PYGB: variants seen among roughly 807,000 people sequenced by gnomAD.
PYGB encodes the protein glycogen phosphorylase, brain form.
PYGB carries 82 observed loss-of-function variants against 94.3 expected under a neutral mutation model. The observed-to-expected ratio is 0.87, with a 90% confidence interval of 0.73 to 1.04. The LOEUF (loss-of-function observed/expected upper bound fraction) is 1.04, where lower values mean the gene tolerates loss of function less well. Ranked by LOEUF, PYGB falls within the 50% of genes least tolerant of loss-of-function variation. The pLI, the probability that PYGB is intolerant of heterozygous loss-of-function variation, is 0.00. For synonymous variants in PYGB, 488 were observed against 479.1 expected, an observed-to-expected ratio of 1.02 and a Z score of -0.24; for missense variants, 1,132 against 1,158.2, an observed-to-expected ratio of 0.98 and a Z score of 0.33.
At position 25,274,702 on chromosome 20, in the gene PYGB, C is replaced by T. The variant is rs2227894; in HGVS notation, c.639C>T (p.Gly213=). The change falls in exon 5 of 20, where the codon GGC becomes GGT. Residue 213 remains glycine, a synonymous_variant. Coordinates refer to ENST00000216962, the MANE Select transcript of PYGB (RefSeq NM_002862.4). ...FYGRVEHTPD[G]VKWLDTQVVL... is the part of the protein sequence containing the mutation. The stretch of plus-strand genomic sequence containing the variant: ...GACGCGTGGAGCACACCCCCGACGG[C>T]GTGAAGTGGCTGGACACACAGGTAC... 0.056 allele frequency: 90,517 copies of T among 1,612,970 alleles called. 5,073 individuals carry two copies. The highest frequency in any genetic ancestry group is 0.3 in the African/African-American group (22,215 of 74,974).
chr20:25,290,372 G>A, intron 15 of PYGB, 109 bp from the exon 16 acceptor site: 3 of 1,415,062 alleles, frequency 2.1e-6, no homozygotes, highest in Non-Finnish European at 2.9e-6. Flanking sequence ...CCGACGGCAG[G>A]TTCCTGTGGC....
At chr20:25,274,167 T>C (rs2088290358) in intron 4 of PYGB, among the ~76,000 whole-genome samples, 1 of 152,204 alleles carries the variant, frequency 6.6e-6, no homozygotes, top group South Asian at 2.1e-4. Flanking sequence ...CTGCACCAAT[T>C]TGCAGTCACA....
chr20:25,293,238 C>T (rs565183425), intron 17 of PYGB, among the ~76,000 whole-genome samples: 38 of 152,152 alleles, frequency 2.5e-4, no homozygotes, highest in African/African-American at 8.0e-4. Flanking sequence ...CGCGCCCCTC[C>T]GTTGGCTGCA....
At position 25,282,080 on chromosome 20, in the gene PYGB, C is replaced by T. The variant is rs1029138057; in HGVS notation, c.1451C>T (p.Thr484Ile). The T allele has an allele frequency of 1.2e-6, 2 of 1,613,880 alleles. No individual in the cohort carries two copies. The change falls in exon 12 of 20, where the codon ACC (threonine) becomes ATC (isoleucine). Residue 484 changes from threonine (T) to isoleucine (I), a missense_variant. Physicochemically the swap from Thr to Ile is moderately conservative, Grantham distance 89. Transcript: ENST00000216962. ...GAGCCAGAGAAGTTCCAGAATAAGA[C>T]CAATGGCATCACCCCCCGCCGGTGG... ...ELEPEKFQNK[T>I]NGITPRRWLL... is the part of the protein sequence containing the mutation.
Position 25,248,140 on chromosome 20 carries a change from T to C in PYGB, c.-39T>C. 6.5e-7 allele frequency: 1 copy of C among 1,542,150 alleles called. No individual in the cohort carries two copies. Among genetic ancestry groups the C allele is most frequent in the South Asian group, 1.2e-5 (1 of 82,036 alleles). The stretch of plus-strand genomic sequence containing the variant: ...CCCGGCGTTCGCGTGTGCCGCCGCT[T>C]TCCTCCTCCATCTCTTTTCCTCCGC... On this transcript the variant is annotated 5_prime_UTR_variant, in exon 1 of 20. Transcript: ENST00000216962.
At chr20:25,272,730 G>A (rs867039520) in intron 4 of PYGB, among the ~76,000 whole-genome samples, 6 of 152,306 alleles carry the variant, frequency 3.9e-5, no homozygotes, top group East Asian at 3.9e-4. Context: ...CACTGCCTCC[G>A]GACAGCTCTG....
rs1482174872 is a variant in PYGB, at chr20:25,270,199, TTG to T, written c.424+994_424+995del. ...TTTTAATCCTGAAGTTTTTTTTGTT[TTG>T]TTTTGTTTTTTTTTTTTTTGAGATG... On this transcript the variant is annotated intron_variant, in intron 3 of 19. Coordinates refer to ENST00000216962, the MANE Select transcript of PYGB (RefSeq NM_002862.4). Among the ~76,000 whole-genome samples the T allele has an allele frequency of 3.2e-5, 4 of 124,766 alleles. 1 individual carries two copies. Among genetic ancestry groups the T allele is most frequent in the Non-Finnish European group, 4.9e-5 (3 of 61,260 alleles). The allele number at this position is 124,766 out of a possible 152,430, so 81.9% of individuals were successfully genotyped here.
At position 25,282,018 on chromosome 20, in the gene PYGB, T is replaced by G; in HGVS notation, c.1404-15T>G. ...CACAGCATTTGTGACAGTTCCCTGTTCTCTGTGTTTGCAGCTTTAAGGATT... is the reference window on the plus strand; with the variant it reads ...CACAGCATTTGTGACAGTTCCCTGTGCTCTGTGTTTGCAGCTTTAAGGATT... On this transcript the variant is annotated splice_polypyrimidine_tract_variant and intron_variant, in intron 11 of 19. Coordinates refer to ENST00000216962, the MANE Select transcript of PYGB (RefSeq NM_002862.4). The G allele has an allele frequency of 1.3e-6, 2 of 1,588,600 alleles. No homozygotes were observed. Among genetic ancestry groups the G allele is most frequent in the African/African-American group, 2.7e-5 (2 of 74,464 alleles).
At chr20:25,267,143 A>G (rs1487189047) in intron 2 of PYGB, among the ~76,000 whole-genome samples, 2 of 152,262 alleles carry the variant, frequency 1.3e-5, no homozygotes, top group Non-Finnish European at 2.9e-5. Context: ...ACAATGGAAT[A>G]GTACACAGCA....
chr20:25,281,952 C>T (rs1264059170), intron 11 of PYGB, 81 bp from the exon 12 acceptor site: 2 of 1,266,366 alleles, frequency 1.6e-6, no homozygotes, highest in South Asian at 1.2e-5. Context: ...CTGGGACCTC[C>T]TTAAAAGGAC....
At chr20:25,288,643 T>A in intron 15 of PYGB, 160 bp downstream of exon 15, 1 of 808,022 alleles carries the variant, frequency 1.2e-6, no homozygotes, top group Non-Finnish European at 2.0e-6. Flanking sequence ...GGGGACCCTG[T>A]AGAGAGTCAG....
intron 12 of PYGB, 89 bp downstream of exon 12, chr20:25,282,236 G>T: frequency 9.3e-7 from 1 of 1,071,392 alleles, no homozygotes; most frequent in Non-Finnish European, 1.3e-6. Flanking sequence ...CGGTTGCTGA[G>T]TAGGCAGGAG....
intron 17 of PYGB, among the ~76,000 whole-genome samples, chr20:25,293,648 G>A (rs1048697331): frequency 1.3e-5 from 2 of 152,148 alleles, no homozygotes; most frequent in Admixed American, 6.5e-5. Flanking sequence ...TCTTCTGCCC[G>A]GGCCCCGTCC....
chr20:25,279,245 C>G (rs1211561214), intron 9 of PYGB, 96 bp downstream of exon 9: 10 of 1,286,564 alleles, frequency 7.8e-6, no homozygotes, highest in African/African-American at 1.5e-5. Context: ...CTTCCCTGGC[C>G]TTGGGAGAGC....
intron 7 of PYGB, 90 bp downstream of exon 7, chr20:25,277,416 C>A: frequency 7.8e-7 from 1 of 1,285,862 alleles, no homozygotes; most frequent in Non-Finnish European, 1.1e-6. Flanking sequence ...CCAGTGGGGC[C>A]TGCTGTTGGC....
intron 14 of PYGB, 28 bp from the exon 15 acceptor site, chr20:25,288,397 G>A: frequency 6.2e-7 from 1 of 1,614,118 alleles, no homozygotes; most frequent in Admixed American, 1.7e-5. Flanking sequence ...GCGGTGCCTT[G>A]TGTGAGTCTC....
At chr20:25,252,642 C>T (rs2092891318) in intron 1 of PYGB, among the ~76,000 whole-genome samples, 1 of 152,260 alleles carries the variant, frequency 6.6e-6, no homozygotes, top group African/African-American at 2.4e-5. Flanking sequence ...AACCCAGGAA[C>T]AGCCAGATAG....
Position 25,282,137 on chromosome 20 carries a change from C to A in PYGB, c.1508C>A (p.Thr503Asn). 1 of 1,611,920 alleles carries A rather than the reference C, an allele frequency of 6.2e-7. No homozygotes were observed. The highest frequency in any genetic ancestry group is 8.5e-7 in the Non-Finnish European group (1 of 1,179,064). Residue 503 changes from threonine (T) to asparagine (N), a missense_variant, in exon 12 of 20, where the codon ACC (threonine) becomes AAC (asparagine). Coordinates refer to ENST00000216962, the MANE Select transcript of PYGB (RefSeq NM_002862.4). ...LLLCNPGLAD[T>N]IVEKIGEEFL... ...CTGTGCAACCCGGGGCTGGCCGATA[C>A]CATCGTGGAGGTGAGTCCCGGGCCC...
chr20:25,291,587 C>T (rs972510712), intron 16 of PYGB, among the ~76,000 whole-genome samples: 1 of 152,220 alleles, frequency 6.6e-6, no homozygotes, highest in Non-Finnish European at 1.5e-5. Flanking sequence ...ACTCACGGGC[C>T]GGCTTGCCTC....
Sources: allele counts gnomAD v4.1 joint callset (sites outside exome capture counted in the v4.1 genomes callset), GRCh38; gene constraint gnomAD v4.1.1; transcripts MANE v1.5; gene names NCBI Gene and HGNC (gene_info 2026-07-23, HGNC 2026-07-21).